The following ANKFN1 variants were observed in gnomAD, a reference collection of about 807,000 sequenced individuals.
ANKFN1 encodes ankyrin repeat and fibronectin type III domain containing 1.
In ANKFN1, 74 loss-of-function variants were observed where a neutral mutation model predicts 108.7. That is an observed-to-expected ratio of 0.68 (90% CI 0.56 to 0.83). ANKFN1 has a LOEUF of 0.83. Among genes scored for constraint, ANKFN1 ranks in the 40% least tolerant of loss-of-function variants. ANKFN1 has a pLI of 0.00. For missense variants in ANKFN1, 1,505 were observed against 1,382.3 expected, an observed-to-expected ratio of 1.09 and a Z score of -1.41; for synonymous variants, 547 against 516.2, an observed-to-expected ratio of 1.06 and a Z score of -0.81.
intron 1 of ANKFN1, among the ~76,000 whole-genome samples, chr17:56,192,963 T>G (rs1382885396): frequency 2.1e-5 from 3 of 142,856 alleles, no homozygotes; most frequent in Admixed American, 7.1e-5. Flanking sequence ...ATATGTTTAT[T>G]GTGGCATTAT....
intron 1 of ANKFN1, among the ~76,000 whole-genome samples, chr17:56,167,704 C>T (rs1567814282): frequency 6.6e-6 from 1 of 152,134 alleles, no homozygotes; most frequent in Non-Finnish European, 1.5e-5. Flanking sequence ...AAGCAGGAAG[C>T]TCTGCACCAT....
intron 9 of ANKFN1, among the ~76,000 whole-genome samples, chr17:56,440,880 A>AT (rs1173306869): frequency 6.6e-6 from 1 of 151,454 alleles, no homozygotes; most frequent in Admixed American, 6.6e-5. Context: ...TTTTCCCTTG[A>AT]TTAAAAAAAA....
intron 4 of ANKFN1, among the ~76,000 whole-genome samples, chr17:56,083,367 C>T (rs544181781): frequency 1.3e-5 from 2 of 151,500 alleles, no homozygotes; most frequent in South Asian, 2.1e-4. Flanking sequence ...TGCCTTTGCA[C>T]ACGCTAAGTC....
chr17:56,506,141 C>A (rs1021536356), intron 20 of ANKFN1, among the ~76,000 whole-genome samples: 8 of 152,062 alleles, frequency 5.3e-5, no homozygotes, highest in Admixed American at 2.6e-4. Context: ...TATACATGCG[C>A]CATGTTGGTG....
At chr17:56,272,612 A>G (rs1598335493) in intron 3 of ANKFN1, among the ~76,000 whole-genome samples, 1 of 152,186 alleles carries the variant, frequency 6.6e-6, no homozygotes, top group South Asian at 2.1e-4. Context: ...CCTTTTGATT[A>G]TTGTGGATAA....
At position 56,094,518 on chromosome 17, in the gene ANKFN1, TCGCCAGGCTGCCAGGC is replaced by T. The variant is rs570268017; in HGVS notation, c.288+48194_288+48209del. On this transcript the variant is annotated intron_variant, in intron 4 of 12. Transcript: ENST00000635860. Reference sequence around the variant, plus strand: ...TTTTTTGAGGCGAAGTCTTGTTTTGTCGCCAGGCTGCCAGGCTGCCAGGCTGCCAGGCTGGAGTGCA... The same window carrying T: ...TTTTTTGAGGCGAAGTCTTGTTTTGTTGCCAGGCTGCCAGGCTGGAGTGCA... Among the ~76,000 whole-genome samples the T allele has an allele frequency of 8.7e-3, 956 of 109,982 alleles. 20 individuals carry two copies. The highest frequency in any genetic ancestry group is 0.011 in the South Asian group (42 of 3,722). The allele number at this position is 109,982 out of a possible 152,430, so 72.2% of individuals were successfully genotyped here.
chr17:56,280,218 G>A (rs911314495), intron 3 of ANKFN1, among the ~76,000 whole-genome samples: 6 of 151,810 alleles, frequency 4.0e-5, no homozygotes, highest in Non-Finnish European at 7.4e-5. Context: ...ATATTTCTAC[G>A]TGTATCTGTG....
intron 6 of ANKFN1, chr17:56,368,012 G>A (rs1054914527): frequency 3.4e-6 from 1 of 297,698 alleles, no homozygotes; most frequent in African/African-American, 2.2e-5. Context: ...ATCTCCCTGG[G>A]TCTCAATTTC....
chr17:56,354,411 CTTCA>C (rs149400397), intron 6 of ANKFN1, among the ~76,000 whole-genome samples: 34 of 152,060 alleles, frequency 2.2e-4, no homozygotes, highest in East Asian at 3.9e-4. Flanking sequence ...AATGCGGTGG[CTTCA>C]TTCATTCATT....
chr17:56,156,928 T>C (rs1909173196), intron 1 of ANKFN1, among the ~76,000 whole-genome samples: 1 of 152,224 alleles, frequency 6.6e-6, no homozygotes, highest in Non-Finnish European at 1.5e-5. Flanking sequence ...CCAAAATATT[T>C]ACTTGCCAGA....
chr17:56,210,437 G>A (rs1914897474), intron 1 of ANKFN1, among the ~76,000 whole-genome samples: 1 of 152,182 alleles, frequency 6.6e-6, no homozygotes, highest in Admixed American at 6.5e-5. Flanking sequence ...CATTCTTGAA[G>A]AAGTGGGGTG....
intron 14 of ANKFN1, among the ~76,000 whole-genome samples, chr17:56,459,081 C>G (rs2049812066): frequency 6.6e-6 from 1 of 152,142 alleles, no homozygotes; most frequent in African/African-American, 2.4e-5. Flanking sequence ...TAGCAAACAG[C>G]TGTTCATTTC....
intron 8 of ANKFN1, among the ~76,000 whole-genome samples, chr17:56,388,665 C>A (rs537255358): frequency 1.3e-3 from 205 of 151,994 alleles, no homozygotes; most frequent in Non-Finnish European, 2.2e-3. Context: ...CTCTAATTAC[C>A]TTTTTTCTCT....
intron 4 of ANKFN1, among the ~76,000 whole-genome samples, chr17:56,052,059 G>GA (rs544777628): frequency 2.9e-4 from 43 of 149,234 alleles, no homozygotes; most frequent in Non-Finnish European, 5.1e-4. Flanking sequence ...CACAGAATTG[G>GA]AAAAAACTAC....
chr17:56,067,258 A>G (rs1368289625), intron 4 of ANKFN1, among the ~76,000 whole-genome samples: 1 of 152,158 alleles, frequency 6.6e-6, no homozygotes, highest in African/African-American at 2.4e-5. Flanking sequence ...CATTTTGTTT[A>G]TCAATTTATC....
Position 56,321,720 on chromosome 17 carries a change from T to A in ANKFN1, c.54-4501T>A, listed in dbSNP as rs140014384. ...GTATTCTGAAATTCTATACATCATA[T>A]GTCACAAATCAGAGGAGAGTATACT... On this transcript the variant is annotated intron_variant, in intron 3 of 20. Coordinates refer to ENST00000682825, the MANE Select transcript of ANKFN1 (RefSeq NM_001370326.1). 3.6e-3 allele frequency among the ~76,000 whole-genome samples: 553 copies of A among 152,330 alleles called. 2 individuals are homozygous for A. The highest frequency in any genetic ancestry group is 6.0e-3 in the Non-Finnish European group (410 of 68,032).
At chr17:56,316,406 C>A (rs549459650) in intron 3 of ANKFN1, among the ~76,000 whole-genome samples, 182 of 152,172 alleles carry the variant, frequency 1.2e-3, no homozygotes, top group African/African-American at 3.9e-3. Context: ...CAGTAGAAAG[C>A]TGAGCAATTT....
intron 6 of ANKFN1, among the ~76,000 whole-genome samples, chr17:56,363,727 T>C (rs1184835347): frequency 6.6e-6 from 1 of 152,172 alleles, no homozygotes; most frequent in Non-Finnish European, 1.5e-5. Flanking sequence ...TATATATACA[T>C]AATTGAATAC....
chr17:56,323,171 C>T lies in ANKFN1; in HGVS notation c.54-3050C>T, dbSNP rs1421442026. The T allele has an allele frequency of 3.3e-5, 5 of 152,082 alleles. No homozygotes were observed. The East Asian group carries it at 9.6e-4, about 29-fold the overall frequency. The allele number at this position is 152,082 out of a possible 1,614,324, so 9.4% of individuals were successfully genotyped here. ...GTTCTGAGTGTGGAACAAACATTCT[C>T]AGTGTTCCAAATGAGAACATTAGTA... is the stretch of plus-strand genomic sequence containing the variant. On this transcript the variant is annotated intron_variant, in intron 3 of 20. Coordinates refer to ENST00000682825, the MANE Select transcript of ANKFN1 (RefSeq NM_001370326.1).
Sources: allele counts gnomAD v4.1 joint callset (sites outside exome capture counted in the v4.1 genomes callset), GRCh38; gene constraint gnomAD v4.1.1; transcripts MANE v1.5; gene names NCBI Gene and HGNC (gene_info 2026-07-23, HGNC 2026-07-21).